The following CDH18 variants were observed in gnomAD, a reference collection of about 807,000 sequenced individuals.
CDH18 encodes cadherin-18.
Under a neutral mutation model 67.9 loss-of-function variants are expected in CDH18, and 31 were observed. The observed-to-expected ratio is 0.46, with a 90% CI of 0.34 to 0.62. CDH18 has a LOEUF of 0.62. Ranked by LOEUF, CDH18 falls within the 20% of genes least tolerant of loss-of-function variation. CDH18 has a pLI of 0.01. For synonymous variants in CDH18, 362 were observed against 347.2 expected (o/e 1.04, Z -0.48); for missense variants, 890 against 975.5 (o/e 0.91, Z 1.17).
chr5:20,187,643 G>A (rs1738206581), intron 2 of CDH18, among the ~76,000 whole-genome samples: 1 of 151,762 alleles, frequency 6.6e-6, no homozygotes, highest in African/African-American at 2.4e-5. Flanking sequence ...TGCTAATTTT[G>A]AGCTATTCTC....
chr5:20,322,409 A>G (rs1008242378), intron 1 of CDH18, among the ~76,000 whole-genome samples: 2 of 152,156 alleles, frequency 1.3e-5, no homozygotes, highest in Non-Finnish European at 2.9e-5. Flanking sequence ...ATTTAATTAA[A>G]ACAAGATATA....
intron 3 of CDH18, among the ~76,000 whole-genome samples, chr5:19,810,760 C>G (rs1293010464): frequency 6.6e-6 from 1 of 152,016 alleles, no homozygotes. Context: ...CAGTGGCTCA[C>G]ACTTGTAATC....
At chr5:20,015,700 A>T (rs1483697144) in intron 2 of CDH18, among the ~76,000 whole-genome samples, 1 of 152,200 alleles carries the variant, frequency 6.6e-6, no homozygotes, top group Non-Finnish European at 1.5e-5. Flanking sequence ...CAGCAAAATC[A>T]CAATAAGCTG....
chr5:20,250,106 TAAAA>T (rs1743717072), intron 2 of CDH18, among the ~76,000 whole-genome samples: 1 of 152,160 alleles, frequency 6.6e-6, no homozygotes, highest in African/African-American at 2.4e-5. Flanking sequence ...AAGAATAACT[TAAAA>T]GAGCCAAAGA....
intron 7 of CDH18, among the ~76,000 whole-genome samples, chr5:19,579,696 A>AT (rs1018686093): frequency 1.3e-5 from 2 of 151,430 alleles, no homozygotes; most frequent in East Asian, 1.9e-4. Flanking sequence ...TTACTAATAA[A>AT]TTTTTTTTAA....
intron 3 of CDH18, among the ~76,000 whole-genome samples, chr5:19,799,025 G>C (rs4437373): frequency 0.43 from 64,542 of 151,758 alleles, 14,278 homozygotes; most frequent in Middle Eastern, 0.58. Context: ...CCATATTTTA[G>C]GTATTACAAA....
At chr5:19,497,918 T>G (rs1382750121) in intron 11 of CDH18, among the ~76,000 whole-genome samples, 1 of 152,166 alleles carries the variant, frequency 6.6e-6, no homozygotes, top group Non-Finnish European at 1.5e-5. Flanking sequence ...TGACACAGTG[T>G]TATAGATGCT....
intron 5 of CDH18, among the ~76,000 whole-genome samples, chr5:19,621,744 G>C (rs575175397): frequency 6.6e-6 from 1 of 152,260 alleles, no homozygotes; most frequent in East Asian, 1.9e-4. Context: ...AGTTCTAAAG[G>C]CTGTACAACA....
intron 9 of CDH18, among the ~76,000 whole-genome samples, chr5:19,528,394 CAA>C (rs1748072276): frequency 6.6e-6 from 1 of 151,158 alleles, no homozygotes; most frequent in South Asian, 2.1e-4. Context: ...TCTGGGTGTG[CAA>C]TCTAATTATA....
At chr5:19,785,679 A>AAAT (rs1561296334) in intron 3 of CDH18, among the ~76,000 whole-genome samples, 2 of 28,154 alleles carry the variant, frequency 7.1e-5, no homozygotes, top group Non-Finnish European at 1.2e-4. Flanking sequence ...AAAAAAAAAA[A>AAAT]ATATATATAT....
intron 1 of CDH18, among the ~76,000 whole-genome samples, chr5:20,564,275 T>TATTTATTTATTTATTG (rs1758379389): frequency 6.7e-6 from 1 of 150,152 alleles, no homozygotes; most frequent in Non-Finnish European, 1.5e-5. Context: ...TTTATTTATT[T>TATTTATTTATTTATTG]ATTTATTTAT....
chr5:19,655,464 TTCTA>T (rs1219699098), intron 5 of CDH18, among the ~76,000 whole-genome samples: 14 of 151,770 alleles, frequency 9.2e-5, no homozygotes, highest in Non-Finnish European at 1.9e-4. Context: ...GGAAGAGAGT[TTCTA>T]TCTAAACTAT....
intron 1 of CDH18, among the ~76,000 whole-genome samples, chr5:20,567,480 C>T (rs1758581577): frequency 6.6e-6 from 1 of 151,068 alleles, no homozygotes; most frequent in Admixed American, 6.6e-5. Context: ...GGTGCTGTAA[C>T]CAATGAGGTT....
At chr5:19,721,517 A>G in intron 4 of CDH18, 51 bp from the exon 5 acceptor site, 1 of 1,562,630 alleles carries the variant, frequency 6.4e-7, no homozygotes, top group Non-Finnish European at 8.7e-7. Context: ...TTAGCATATG[A>G]TTAATTTGAA....
At chr5:20,513,006 T>C (rs1033125217) in intron 1 of CDH18, among the ~76,000 whole-genome samples, 3 of 152,172 alleles carry the variant, frequency 2.0e-5, no homozygotes, top group Non-Finnish European at 4.4e-5. Context: ...CACCGTAGCA[T>C]GTGAGCCTCT....
chr5:19,760,855 C>T (rs957466827), intron 3 of CDH18, among the ~76,000 whole-genome samples: 6 of 152,128 alleles, frequency 3.9e-5, no homozygotes, highest in Admixed American at 6.5e-5. Flanking sequence ...ATCACTGTTG[C>T]CGTTGCCTCA....
intron 5 of CDH18, among the ~76,000 whole-genome samples, chr5:19,708,104 C>T (rs928366152): frequency 3.9e-5 from 6 of 152,118 alleles, no homozygotes; most frequent in African/African-American, 7.2e-5. Flanking sequence ...CTATTAATGG[C>T]TCTTAGTAAG....
chr5:20,327,599 C>T (rs1048394649), intron 1 of CDH18, among the ~76,000 whole-genome samples: 2 of 151,966 alleles, frequency 1.3e-5, no homozygotes, highest in Non-Finnish European at 2.9e-5. Flanking sequence ...ATAGCAGTGA[C>T]CAACACAAAT....
intron 1 of CDH18, among the ~76,000 whole-genome samples, chr5:20,415,989 G>GA (rs1209370592): frequency 6.6e-6 from 1 of 151,806 alleles, no homozygotes; most frequent in African/African-American, 2.4e-5. Context: ...CTGGGGCAAG[G>GA]AAAAAATAGG....
Sources: allele counts gnomAD v4.1 joint callset (sites outside exome capture counted in the v4.1 genomes callset), GRCh38; gene constraint gnomAD v4.1.1; transcripts MANE v1.5; gene names NCBI Gene and HGNC (gene_info 2026-07-23, HGNC 2026-07-21).